MGAM: variants seen among roughly 807,000 people sequenced by gnomAD.
MGAM encodes the protein alpha-1,4-glucosidase.
MGAM carries 253 observed loss-of-function variants against 358.8 expected under a neutral mutation model. The ratio of observed to expected loss-of-function variants is 0.71; its 90% CI spans 0.64 to 0.78. The LOEUF is 0.78. Ranked by LOEUF, MGAM falls within the 30% of genes least tolerant of loss-of-function variation. MGAM has a pLI of 0.00. For synonymous variants in MGAM, 1,105 were observed against 1,227.1 expected, an observed-to-expected ratio of 0.90 and a Z score of 2.08; for missense variants, 3,080 against 3,432.6, an observed-to-expected ratio of 0.90 and a Z score of 2.57.
At position 142,102,820 on chromosome 7, in the gene MGAM, CGGT is replaced by C; in HGVS notation, c.8013+144_8013+146del. On this transcript the variant is annotated intron_variant, in intron 69 of 70. Coordinates refer to ENST00000475668, the MANE Select transcript of MGAM (RefSeq NM_001365693.1). Reference sequence around the variant, plus strand: ...ACATTCTTCTACTTCTCTAGACTTCCGGTGGAAATTTACTATGCTCCCAGGAGG... The same window carrying C: ...ACATTCTTCTACTTCTCTAGACTTCCGGAAATTTACTATGCTCCCAGGAGG... 13 of 857,644 alleles carry C rather than the reference CGGT, an allele frequency of 1.5e-5. 1 individual carries two copies. In the South Asian group the frequency reaches 2.2e-4, roughly 15 times the overall value. The allele number at this position is 857,644 out of a possible 1,614,324, so 53.1% of individuals were successfully genotyped here. A position where few individuals can be genotyped will look rare whatever the true frequency, so the allele number is the denominator to read the frequency against.
At chr7:142,066,816 A>AT (rs1812805417) in intron 41 of MGAM, 95 bp downstream of exon 41, 1 of 1,377,008 alleles carries the variant, frequency 7.3e-7, no homozygotes, top group Non-Finnish European at 1.0e-6. Flanking sequence ...AATTAAAGAC[A>AT]TGATGGCCTT....
Position 142,088,964 on chromosome 7 carries a change from CTATGTATG to C in MGAM, c.6810+2275_6810+2282del, listed in dbSNP as rs57009731. ...CTACCTATTTATATATCATCTATCT[CTATGTATG>C]TATGTATGTATGTATGTATGTATGT... On this transcript the variant is annotated intron_variant, in intron 57 of 70. Coordinates refer to ENST00000475668, the MANE Select transcript of MGAM (RefSeq NM_001365693.1). 1.7e-4 allele frequency among the ~76,000 whole-genome samples: 20 copies of C among 116,742 alleles called. 3 individuals carry two copies. The highest frequency in any genetic ancestry group is 2.7e-4 in the Admixed American group (3 of 10,946). 76.6% of individuals were successfully genotyped at this position (116,742 alleles called of 152,430 possible).
At position 142,084,397 on chromosome 7, in the gene MGAM, A is replaced by G. The variant is rs1417918263; in HGVS notation, c.6382-122A>G. 7.7e-6 allele frequency: 9 copies of G among 1,163,844 alleles called. 2 individuals carry two copies. The highest frequency in any genetic ancestry group is 1.5e-5 in the African/African-American group (1 of 68,758). The allele number at this position is 1,163,844 out of a possible 1,614,324, so 72.1% of individuals were successfully genotyped here. On this transcript the variant is annotated intron_variant, in intron 53 of 70. Coordinates refer to ENST00000475668, the MANE Select transcript of MGAM (RefSeq NM_001365693.1). ...GTGGCTCTATATCCTGTCAGTTTTG[A>G]TGTGGAATTCAATTAGTTAGTTGTC...
chr7:142,047,777 C>T lies in MGAM; in HGVS notation c.2499-8C>T. ...CTGTCTTTGTGTCTTGAATCTTGTT[C>T]CCCACAGTCGAAAGAACCCTCTTGG... On this transcript the variant is annotated splice_polypyrimidine_tract_variant and splice_region_variant and intron_variant, in intron 21 of 70. Transcript: ENST00000475668. 1 of 1,608,800 alleles carries T rather than the reference C, an allele frequency of 6.2e-7. No individual in the cohort carries two copies. Among genetic ancestry groups the T allele is most frequent in the Non-Finnish European group, 8.5e-7 (1 of 1,175,444 alleles).
intron 2 of MGAM, among the ~76,000 whole-genome samples, chr7:142,006,049 T>TA (rs546249748): frequency 4.0e-5 from 6 of 151,670 alleles, no homozygotes; most frequent in Admixed American, 1.3e-4. Flanking sequence ...AAGATAAAAA[T>TA]AAAAAAAACT....
rs565115520 is a variant in MGAM, at chr7:142,085,935, G to A, written c.6610G>A (p.Asp2204Asn). Residue 2204 changes from aspartate to asparagine, a missense_variant, in exon 55 of 71, where the codon GAT becomes AAT. Asp to Asn is a conservative substitution (Grantham distance 23). Around this residue, in one of 5 missense-constraint regions of MGAM, gnomAD observed 932 missense variants for 1,198.2 expected, o/e 0.78. Coordinates refer to ENST00000475668, the MANE Select transcript of MGAM (RefSeq NM_001365693.1). ...AGCTCTGATCAATCGCATGAAGGCTGATGGGATGCGGGTCATCCTCATTCT... is the reference window on the plus strand; with the variant it reads ...AGCTCTGATCAATCGCATGAAGGCTAATGGGATGCGGGTCATCCTCATTCT... ...FPALINRMKADGMRVILILDP... is the reference protein window; with the variant it reads ...FPALINRMKANGMRVILILDP... The A allele has an allele frequency of 5.7e-6, 9 of 1,566,180 alleles. No homozygotes were observed. The African/African-American group carries it at 9.4e-5, about 16-fold the overall frequency.
chr7:142,105,584 G>T (rs59797398), intron 70 of MGAM, among the ~76,000 whole-genome samples: 1 of 152,126 alleles, frequency 6.6e-6, no homozygotes, highest in Non-Finnish European at 1.5e-5. Context: ...CACCGCACCC[G>T]GCCCATATTG....
In MGAM at chr7:142,099,822, C is replaced by G. The variant is rs945901189; in HGVS notation, c.7874+85C>G. ...AGTCCACCAAAATGTAAGCATCACT[C>G]TCAAACCCACATGCAATTCTACTCA... On this transcript the variant is annotated intron_variant, in intron 67 of 70. Transcript: ENST00000475668. 5 of 1,537,280 alleles carry G rather than the reference C, an allele frequency of 3.3e-6. No homozygotes were observed. In the East Asian group the frequency reaches 7.0e-5, roughly 22 times the overall value.
chr7:142,039,087 G>C (rs2960751), intron 19 of MGAM, among the ~76,000 whole-genome samples: 1 of 150,014 alleles, frequency 6.7e-6, no homozygotes, highest in Admixed American at 6.7e-5. Context: ...GACGGGGTGG[G>C]GGGAGTTGCC....
rs1221707062 is a variant in MGAM at position 142,056,034 on chromosome 7, A to G, written c.3518A>G (p.Tyr1173Cys). 1 of 1,612,078 alleles carries G rather than the reference A, an allele frequency of 6.2e-7. No homozygotes were observed. The highest frequency in any genetic ancestry group is 1.3e-5 in the African/African-American group (1 of 75,004). ...KKNSYGVHPY[Y>C]MGLEEDGSAH... is the part of the protein sequence containing the mutation. Reference sequence around the variant, plus strand: ...AATTCCTATGGTGTCCACCCCTACTACATGGGGCTGGAGGAGGACGGCAGT... The same window carrying G: ...AATTCCTATGGTGTCCACCCCTACTGCATGGGGCTGGAGGAGGACGGCAGT... Residue 1173 changes from tyrosine (Y) to cysteine (C), a missense_variant, in exon 29 of 71, where the codon TAC becomes TGC. Transcript: ENST00000475668.
intron 57 of MGAM, among the ~76,000 whole-genome samples, chr7:142,089,482 G>A (rs1170161174): frequency 6.8e-6 from 1 of 146,468 alleles, no homozygotes; most frequent in Non-Finnish European, 1.5e-5. Flanking sequence ...TTGGTACAAA[G>A]GTAATTGTAG....
chr7:142,041,960 T>TATATATATTATATATATACATATATATA (rs1563145006), intron 21 of MGAM, among the ~76,000 whole-genome samples: 8 of 25,432 alleles, frequency 3.1e-4, no homozygotes, highest in Admixed American at 3.1e-3. Context: ...ATATATATAA[T>TATATATATTATATATATACATATATATA]ATATATATAT....
chr7:141,996,300 CAAA>C (rs77453293), intron 1 of MGAM, among the ~76,000 whole-genome samples: 4 of 77,560 alleles, frequency 5.2e-5, no homozygotes, highest in Admixed American at 1.5e-4. Flanking sequence ...TACTCCGTCT[CAAA>C]AAAAAAAAAA....
chr7:142,093,672 G>C lies in MGAM; in HGVS notation c.7172+122G>C. Reference sequence around the variant, plus strand: ...GGTTAAGAAGATTCTCATGACAACTGTGTAATGATTCTTATTAGATAAACA... The same window carrying C: ...GGTTAAGAAGATTCTCATGACAACTCTGTAATGATTCTTATTAGATAAACA... On this transcript the variant is annotated intron_variant, in intron 60 of 70. Coordinates refer to ENST00000475668, the MANE Select transcript of MGAM (RefSeq NM_001365693.1). 3 of 1,099,538 alleles carry C rather than the reference G, an allele frequency of 2.7e-6. 1 individual carries two copies. The highest frequency in any genetic ancestry group is 3.8e-6 in the Non-Finnish European group (3 of 781,784). The allele number at this position is 1,099,538 out of a possible 1,614,324, so 68.1% of individuals were successfully genotyped here.
intron 21 of MGAM, among the ~76,000 whole-genome samples, chr7:142,044,238 CAT>C (rs1809623037): frequency 2.3e-5 from 3 of 133,156 alleles, no homozygotes; most frequent in South Asian, 2.3e-4. Context: ...ATAATATATA[CAT>C]TATATACACA....
At chr7:141,992,737 A>G (rs1361324194), upstream of MGAM, among the ~76,000 whole-genome samples, 2 of 152,020 alleles carry the variant, frequency 1.3e-5, no homozygotes, top group Non-Finnish European at 2.9e-5. Context: ...GTGGACCACC[A>G]CACTCAGCTG....
intron 57 of MGAM, among the ~76,000 whole-genome samples, chr7:142,087,330 G>T (rs1409829458): frequency 6.9e-6 from 1 of 145,704 alleles, no homozygotes; most frequent in Admixed American, 6.9e-5. Context: ...GATCCAAGTA[G>T]CCCATGCTTC....
At chr7:142,045,485 A>G (rs1251273293) in intron 21 of MGAM, among the ~76,000 whole-genome samples, 2 of 112,116 alleles carry the variant, frequency 1.8e-5, no homozygotes, top group East Asian at 2.5e-4. Flanking sequence ...ATATATACAT[A>G]CAATATATGA....
At position 142,082,202 on chromosome 7, in the gene MGAM, C is replaced by A. The variant is rs1246006221; in HGVS notation, c.6163C>A (p.Pro2055Thr). Reference sequence around the variant, plus strand: ...TTGGGGGATGTTCTCCCGAGACCAGCCCCCAGGGGTAAGGACAGAGCATTT... The same window carrying A: ...TTGGGGGATGTTCTCCCGAGACCAGACCCCAGGGGTAAGGACAGAGCATTT... ...HTWGMFSRDQ[P>T]PGYKKNSYGV... The change falls in exon 51 of 71, where the codon CCC becomes ACC. Residue 2055 changes from proline to threonine, a missense_variant. Pro to Thr is a conservative substitution (Grantham distance 38). This residue lies in a region of MGAM where 932 missense variants were observed against 1,198.2 expected (regional missense o/e 0.78). Transcript: ENST00000475668. 1.9e-6 allele frequency: 3 copies of A among 1,554,116 alleles called. 1 individual carries two copies. The highest frequency in any genetic ancestry group is 2.7e-6 in the Non-Finnish European group (3 of 1,132,048).
Sources: gnomAD v4.1 joint callset for allele counts (sites outside exome capture counted in the v4.1 genomes callset) on GRCh38, gnomAD v4.1.1 for gene constraint, gnomAD v4.1.1 regional missense constraint, MANE v1.5 for transcripts, NCBI Gene and HGNC (gene_info 2026-07-23, HGNC 2026-07-21) for gene names.